Variants in LAMB1 observed in about 807,000 individuals in gnomAD.
LAMB1 encodes the protein laminin subunit beta 1.
Under a neutral mutation model 222.3 loss-of-function variants are expected in LAMB1, and 121 were observed. That is an observed-to-expected ratio of 0.54 (90% CI 0.47 to 0.63). LAMB1 has a LOEUF of 0.63. LAMB1 is among the 30% of genes least tolerant of loss of function. The pLI is 0.00. For synonymous variants in LAMB1, 794 were observed against 807.2 expected (o/e 0.98, Z 0.28); for missense variants, 2,172 against 2,240.8 (o/e 0.97, Z 0.62).
intron 21 of LAMB1, 129 bp from the exon 22 acceptor site, chr7:107,953,883 C>T: frequency 1.4e-6 from 1 of 731,304 alleles, no homozygotes; most frequent in Non-Finnish European, 2.4e-6. Flanking sequence ...GTTTAAAGAG[C>T]CCAGGGTGAT....
At chr7:107,980,312 T>A (rs2033947199) in intron 8 of LAMB1, among the ~76,000 whole-genome samples, 1 of 152,232 alleles carries the variant, frequency 6.6e-6, no homozygotes, top group Non-Finnish European at 1.5e-5. Flanking sequence ...ACTCAATTGT[T>A]ATTTAGACAA....
At chr7:107,930,047 C>T (rs2032667756) in intron 29 of LAMB1, 1 of 168,276 alleles carries the variant, frequency 5.9e-6, no homozygotes, top group Admixed American at 5.8e-5. Flanking sequence ...GACTTAAAGG[C>T]AATGAAATCT....
intron 13 of LAMB1, among the ~76,000 whole-genome samples, chr7:107,972,103 C>T (rs1202507997): frequency 6.6e-6 from 1 of 152,212 alleles, no homozygotes; most frequent in Non-Finnish European, 1.5e-5. Context: ...CAGATATTCA[C>T]ACCGGATTTC....
At chr7:107,926,925 A>G (rs895796469) in intron 31 of LAMB1, among the ~76,000 whole-genome samples, 2 of 151,414 alleles carry the variant, frequency 1.3e-5, no homozygotes, top group African/African-American at 4.9e-5. Context: ...TTATTTAGGG[A>G]AAAAAAAATA....
chr7:107,953,845 C>A, intron 21 of LAMB1, 91 bp from the exon 22 acceptor site: 2 of 1,090,508 alleles, frequency 1.8e-6, no homozygotes, highest in Admixed American at 1.8e-5. Flanking sequence ...GAGAGCTGAT[C>A]GTGGCGGTGC....
rs1375739197 is a variant in LAMB1 at position 107,931,325 on chromosome 7, TGTCTAAAAGTA to T, written c.4537+20_4537+30del. On this transcript the variant is annotated intron_variant, in intron 29 of 33. Transcript: ENST00000222399. ...AAACAGAGAATCACACAGAAACAAA[TGTCTAAAAGTA>T]AAATGAAAAAATTTCTTACGGGTCA... The T allele has an allele frequency of 6.5e-7, 1 of 1,539,572 alleles. No homozygotes were observed. The highest frequency in any genetic ancestry group is 8.9e-7 in the Non-Finnish European group (1 of 1,129,564).
At chr7:107,977,911 G>T in intron 9 of LAMB1, 136 bp downstream of exon 9, 3 of 870,890 alleles carry the variant, frequency 3.4e-6, no homozygotes, top group Non-Finnish European at 3.6e-6. Context: ...TTGTCTAGGA[G>T]TATCAGGGTG....
chr7:107,961,135 A>G, intron 17 of LAMB1, 71 bp downstream of exon 17: 1 of 1,590,770 alleles, frequency 6.3e-7, no homozygotes, highest in African/African-American at 1.3e-5. Context: ...CCTCAACAAA[A>G]CACCCTGAGA....
intron 3 of LAMB1, 82 bp from the exon 4 acceptor site, chr7:107,998,574 T>G (rs1036436523): frequency 5.6e-6 from 7 of 1,251,860 alleles, no homozygotes; most frequent in Non-Finnish European, 7.8e-6. Context: ...ATGAAGCTCC[T>G]AATACAAAAA....
chr7:107,947,340 G>A (rs1332779017), intron 24 of LAMB1, among the ~76,000 whole-genome samples: 3 of 152,126 alleles, frequency 2.0e-5, no homozygotes. Context: ...CTAAATTTAT[G>A]CCCTCTAACA....
chr7:107,999,386 A>G lies in LAMB1; in HGVS notation c.214-894T>C, dbSNP rs183495236. Among the ~76,000 whole-genome samples, 59 of 152,344 alleles carry G rather than the reference A, an allele frequency of 3.9e-4. 1 individual carries two copies. Among genetic ancestry groups the G allele is most frequent in the Admixed American group, 3.8e-3 (58 of 15,298 alleles). On this transcript the variant is annotated intron_variant, in intron 3 of 33. Coordinates refer to ENST00000222399, the MANE Select transcript of LAMB1 (RefSeq NM_002291.3). ...TTTTCTGAAATGCAGACTATTCTTA[A>G]GTCTGAAAATGAGGCTAAGACTGAA...
intron 10 of LAMB1, 93 bp downstream of exon 10, chr7:107,975,596 T>G: frequency 7.6e-7 from 1 of 1,322,904 alleles, no homozygotes; most frequent in African/African-American, 1.5e-5. Flanking sequence ...CTGGCTTTAC[T>G]GCTCATACTA....
At chr7:107,977,633 CA>C (rs1220273315) in intron 9 of LAMB1, among the ~76,000 whole-genome samples, 1 of 151,628 alleles carries the variant, frequency 6.6e-6, no homozygotes, top group Non-Finnish European at 1.5e-5. Context: ...ACTAAAATTA[CA>C]AAAAAAATTA....
At chr7:107,929,699 C>T (rs2032659828) in intron 29 of LAMB1, 80 bp from the exon 30 acceptor site, 1 of 1,118,058 alleles carries the variant, frequency 8.9e-7, no homozygotes, top group Non-Finnish European at 1.3e-6. Flanking sequence ...TGGTCATCTA[C>T]TATGGACTAG....
rs772662739 is a variant in LAMB1, at chr7:107,931,459, A to G, written c.4434T>C (p.Ser1478=). 1.3e-5 allele frequency: 21 copies of G among 1,613,610 alleles called. No homozygotes were observed. The Admixed American group carries it at 1.7e-4, about 13-fold the overall frequency. Residue 1478 remains serine (S), a synonymous_variant, in exon 29 of 34, where the codon AGT becomes AGC. Coordinates refer to ENST00000222399, the MANE Select transcript of LAMB1 (RefSeq NM_002291.3). ...TTGTCTTCAACAGAATGTCTTCAGC[A>G]CTTTGTTTTGCCTCATCTGCCCTCA... is the stretch of plus-strand genomic sequence containing the variant. ...AKLRADEAKQ[S]AEDILLKTNA... is the part of the protein sequence containing the mutation.
intron 24 of LAMB1, among the ~76,000 whole-genome samples, chr7:107,950,091 G>A (rs1198375240): frequency 3.9e-5 from 6 of 152,270 alleles, no homozygotes; most frequent in African/African-American, 1.4e-4. Context: ...TTAGCCGGGC[G>A]TGGTGGCGCT....
chr7:107,940,650 AT>A, intron 24 of LAMB1: 2 of 338,430 alleles, frequency 5.9e-6, no homozygotes, highest in South Asian at 9.5e-5. Flanking sequence ...AATAATCACT[AT>A]TTCACAGATG....
intron 25 of LAMB1, 25 bp downstream of exon 25, chr7:107,939,964 T>G (rs2032939675): frequency 6.3e-7 from 1 of 1,599,298 alleles, no homozygotes; most frequent in South Asian, 1.1e-5. Context: ...TTATGAGTAA[T>G]TCCTCTGGCT....
chr7:107,960,032 A>G (rs1461926906), intron 18 of LAMB1, among the ~76,000 whole-genome samples, 198 bp from the exon 19 acceptor site: 1 of 152,224 alleles, frequency 6.6e-6, no homozygotes, highest in African/African-American at 2.4e-5. Context: ...GAGGTCATTA[A>G]TGTTTTCTCC....
Sources: gnomAD v4.1 joint callset for allele counts (sites outside exome capture counted in the v4.1 genomes callset) on GRCh38, gnomAD v4.1.1 for gene constraint, MANE v1.5 for transcripts, NCBI Gene and HGNC (gene_info 2026-07-23, HGNC 2026-07-21) for gene names.